The following KIAA1217 variants were observed in gnomAD, a reference collection of about 807,000 sequenced individuals.
KIAA1217 encodes KIAA1217.
In KIAA1217, 88 loss-of-function variants were observed where a neutral mutation model predicts 163.9. The ratio of observed to expected loss-of-function variants is 0.54; its 90% confidence interval spans 0.45 to 0.64. The LOEUF is 0.64. Among genes scored for constraint, KIAA1217 ranks in the 30% least tolerant of loss-of-function variants. The pLI is 0.00. For missense variants in KIAA1217, 2,372 were observed against 2,475.0 expected (o/e 0.96, Z 0.88); for synonymous variants, 903 against 923.1 (o/e 0.98, Z 0.39).
At chr10:24,437,175 C>T (rs769935698) in intron 4 of KIAA1217, among the ~76,000 whole-genome samples, 5 of 152,164 alleles carry the variant, frequency 3.3e-5, no homozygotes, top group Non-Finnish European at 7.3e-5. Context: ...ACTCCTTCCT[C>T]TGGCCAAATG....
intron 1 of KIAA1217, among the ~76,000 whole-genome samples, chr10:23,765,323 G>A (rs1834458273): frequency 6.6e-6 from 1 of 150,850 alleles, no homozygotes; most frequent in Non-Finnish European, 1.5e-5. Context: ...CGAGTAGCTG[G>A]GACTACAGCC....
intron 3 of KIAA1217, among the ~76,000 whole-genome samples, chr10:24,423,698 T>C (rs932005471): frequency 1.3e-5 from 2 of 152,126 alleles, no homozygotes; most frequent in Non-Finnish European, 2.9e-5. Context: ...GACCTAGTGA[T>C]CTGCCCACCT....
At chr10:24,046,565 A>C (rs1849043023) in intron 2 of KIAA1217, among the ~76,000 whole-genome samples, 1 of 152,174 alleles carries the variant, frequency 6.6e-6, no homozygotes, top group East Asian at 1.9e-4. Flanking sequence ...AGCAGGAGAA[A>C]AAGAGAGAGC....
intron 2 of KIAA1217, among the ~76,000 whole-genome samples, chr10:24,150,203 G>A (rs778247556): frequency 3.9e-5 from 6 of 152,002 alleles, no homozygotes; most frequent in Non-Finnish European, 7.4e-5. Flanking sequence ...TTTTAGTAGC[G>A]ATGGGGTTTC....
chr10:23,955,658 T>C (rs1188020773), intron 1 of KIAA1217, among the ~76,000 whole-genome samples: 1 of 152,156 alleles, frequency 6.6e-6, no homozygotes, highest in Admixed American at 6.5e-5. Context: ...ATTAAGGCAT[T>C]TGAGAGACCA....
intron 3 of KIAA1217, among the ~76,000 whole-genome samples, chr10:24,401,594 C>T (rs997138585): frequency 1.3e-5 from 2 of 152,128 alleles, no homozygotes; most frequent in Admixed American, 1.3e-4. Context: ...TAGAGGTGAA[C>T]TTTCTCACTT....
intron 2 of KIAA1217, among the ~76,000 whole-genome samples, chr10:24,021,269 G>A (rs957898922): frequency 1.3e-5 from 2 of 151,834 alleles, no homozygotes; most frequent in African/African-American, 4.8e-5. Context: ...AGGATATGAG[G>A]TTAATATACA....
chr10:24,223,759 G>C (rs562352462), intron 2 of KIAA1217, among the ~76,000 whole-genome samples: 39 of 148,476 alleles, frequency 2.6e-4, no homozygotes, highest in African/African-American at 9.0e-4. Flanking sequence ...TGTTGCCCAG[G>C]CTAGAGTGCA....
intron 6 of KIAA1217, among the ~76,000 whole-genome samples, chr10:24,487,688 C>G (rs1051142750): frequency 2.0e-5 from 3 of 152,118 alleles, no homozygotes; most frequent in African/African-American, 7.2e-5. Context: ...TCTTCCTGCA[C>G]TGTAAGTGAA....
intron 1 of KIAA1217, among the ~76,000 whole-genome samples, chr10:23,759,186 G>A (rs927402551): frequency 3.3e-5 from 5 of 152,034 alleles, no homozygotes; most frequent in South Asian, 4.2e-4. Context: ...CTATTGTAAT[G>A]GAGTTGTTTT....
chr10:23,799,912 T>C (rs115492348), intron 1 of KIAA1217, among the ~76,000 whole-genome samples: 4 of 152,322 alleles, frequency 2.6e-5, no homozygotes, highest in African/African-American at 4.8e-5. Flanking sequence ...ATTGAAAATA[T>C]GTTAGCCCTT....
rs998606971 is a variant in KIAA1217, at chr10:24,269,120, T to A, written c.354+49211T>A. ...ATATACCTAATGCTAGATGACGAGT[T>A]AGTGGGTGCAGCGCACCAGCATGGC... On this transcript the variant is annotated intron_variant, in intron 2 of 20. Transcript: ENST00000376454. Among the ~76,000 whole-genome samples, 8 of 142,080 alleles carry A rather than the reference T, an allele frequency of 5.6e-5. No homozygotes were observed. The East Asian group carries it at 1.1e-3, about 19-fold the overall frequency. 93.2% of individuals were successfully genotyped at this position (142,080 alleles called of 152,430 possible). A position where few individuals can be genotyped will look rare whatever the true frequency, so the allele number is the denominator to read the frequency against.
chr10:24,495,100 A>T, intron 7 of KIAA1217, 47 bp from the exon 8 acceptor site: 5 of 1,471,226 alleles, frequency 3.4e-6, no homozygotes, highest in Non-Finnish European at 4.6e-6. Context: ...AAAAAAAAAA[A>T]GGCATTTTGG....
At chr10:24,361,982 CAAAAAAAA>C (rs68117028) in intron 2 of KIAA1217, among the ~76,000 whole-genome samples, 3 of 100,570 alleles carry the variant, frequency 3.0e-5, no homozygotes, top group Non-Finnish European at 3.9e-5. Flanking sequence ...GACTCTGTCT[CAAAAAAAA>C]AAAAAAAAAA....
chr10:24,325,425 G>A (rs192458816), intron 2 of KIAA1217, among the ~76,000 whole-genome samples: 2 of 148,224 alleles, frequency 1.3e-5, no homozygotes, highest in East Asian at 2.0e-4. Context: ...GCCCCTGAGC[G>A]GGCACCTAAG....
chr10:24,110,683 C>T (rs997344600), intron 2 of KIAA1217, among the ~76,000 whole-genome samples: 6 of 151,938 alleles, frequency 3.9e-5, no homozygotes, highest in Admixed American at 3.3e-4. Context: ...TGTTGAACAG[C>T]CCTGTGAGAA....
intron 1 of KIAA1217, among the ~76,000 whole-genome samples, chr10:23,839,556 A>G (rs915518443): frequency 1.3e-5 from 2 of 151,980 alleles, no homozygotes; most frequent in Non-Finnish European, 2.9e-5. Context: ...ATCCTTTTCT[A>G]TTTCCTGAGG....
At chr10:24,328,675 A>G (rs1266890631) in intron 2 of KIAA1217, among the ~76,000 whole-genome samples, 1 of 152,046 alleles carries the variant, frequency 6.6e-6, no homozygotes, top group East Asian at 1.9e-4. Flanking sequence ...TCTCCTTTTT[A>G]TAACCGCAAA....
chr10:24,084,766 G>T (rs995759196), intron 2 of KIAA1217, among the ~76,000 whole-genome samples: 1 of 151,996 alleles, frequency 6.6e-6, no homozygotes, highest in East Asian at 1.9e-4. Context: ...TGAGAGAGAA[G>T]TACAAGCAAA....
Sources: allele counts gnomAD v4.1 joint callset (sites outside exome capture counted in the v4.1 genomes callset), GRCh38; gene constraint gnomAD v4.1.1; transcripts MANE v1.5; gene names NCBI Gene and HGNC (gene_info 2026-07-23, HGNC 2026-07-21).